Variants in HLTF observed in about 807,000 individuals in gnomAD.
HLTF encodes helicase like transcription factor, also known as DNA-dependent ATPase/E3 ubiquitin-protein ligase HLTF.
In HLTF, 127 loss-of-function variants were observed where a neutral mutation model predicts 129.4. The ratio of observed to expected loss-of-function variants is 0.98; its 90% CI spans 0.85 to 1.14. The LOEUF (loss-of-function observed/expected upper bound fraction) is 1.14, where lower values mean the gene tolerates loss of function less well. HLTF is among the 50% of genes most tolerant of loss of function. HLTF has a pLI of 0.00. For synonymous variants in HLTF, 332 were observed against 388.8 expected (o/e 0.85, Z 1.72); for missense variants, 1,139 against 1,187.1 (o/e 0.96, Z 0.60).
chr3:149,059,329 A>G (rs1033647959), intron 13 of HLTF: 3 of 369,796 alleles, frequency 8.1e-6, no homozygotes, highest in African/African-American at 4.3e-5. Context: ...ATATAAAATC[A>G]TAACAAAGAT....
At chr3:149,050,527 T>C (rs983505789) in intron 14 of HLTF, 152 bp from the exon 15 acceptor site, 8 of 451,228 alleles carry the variant, frequency 1.8e-5, no homozygotes, top group Admixed American at 1.2e-4. Context: ...ACCAAAATAA[T>C]AACAATAAGA....
At chr3:149,074,400 C>T (rs769933430) in intron 3 of HLTF, 52 bp from the exon 4 acceptor site, 26 of 1,515,984 alleles carry the variant, frequency 1.7e-5, no homozygotes. Context: ...TACTTTTTAT[C>T]CCCACTAAGA....
chr3:149,059,864 A>C, intron 12 of HLTF, 57 bp from the exon 13 acceptor site: 1 of 1,009,894 alleles, frequency 9.9e-7, no homozygotes, highest in Non-Finnish European at 1.5e-6. Flanking sequence ...GTGCTAGAGT[A>C]CAGGTACTTT....
At position 149,071,281 on chromosome 3, in the gene HLTF, C is replaced by T. The variant is rs1476848956; in HGVS notation, c.865G>A (p.Gly289Arg). Residue 289 changes from glycine to arginine, a missense_variant, in exon 7 of 25, where the codon GGA becomes AGA. Transcript: ENST00000310053. The part of the protein sequence containing the change: ...SEKDRPENVH[G>R]GILADDMGLG... The stretch of plus-strand genomic sequence containing the variant: ...CCCATATCATCAGCTAAAATTCCTC[C>T]ATGGACATTTTCTGGTCGGTCCTTC... 4 of 1,594,816 alleles carry T rather than the reference C, an allele frequency of 2.5e-6. No individual in the cohort carries two copies. Among genetic ancestry groups the T allele is most frequent in the Non-Finnish European group, 3.4e-6 (4 of 1,171,164 alleles).
chr3:149,045,669 T>C (rs114811100), intron 18 of HLTF, among the ~76,000 whole-genome samples: 3,122 of 152,296 alleles, frequency 0.02, 44 homozygotes, highest in Non-Finnish European at 0.03. Context: ...TTGTCTCTTA[T>C]TCATTCTGTT....
chr3:149,079,254 T>G (rs1017729524), intron 2 of HLTF, among the ~76,000 whole-genome samples: 23 of 151,046 alleles, frequency 1.5e-4, no homozygotes, highest in Non-Finnish European at 3.2e-4. Context: ...TCTACACATA[T>G]AAGAAGCTCA....
intron 23 of HLTF, among the ~76,000 whole-genome samples, chr3:149,036,012 G>T (rs900923388): frequency 1.3e-5 from 2 of 151,496 alleles, no homozygotes; most frequent in African/African-American, 4.8e-5. Flanking sequence ...GCAGGCGCCT[G>T]TAGTCCCAGC....
intron 2 of HLTF, among the ~76,000 whole-genome samples, chr3:149,082,424 G>A (rs987015927): frequency 1.3e-5 from 2 of 152,062 alleles, no homozygotes; most frequent in African/African-American, 4.8e-5. Flanking sequence ...CCGCCACTGC[G>A]CTCCAGCCTG....
intron 18 of HLTF, 110 bp from the exon 19 acceptor site, chr3:149,042,400 C>A: frequency 3.2e-5 from 28 of 867,308 alleles, no homozygotes; most frequent in Admixed American, 2.9e-5. Context: ...GAAATTACTC[C>A]AAAACAAGAA....
rs377015794 is a variant in HLTF at position 149,086,361 on chromosome 3, A to T, written c.-25T>A. On this transcript the variant is annotated 5_prime_UTR_variant, in exon 1 of 25. Transcript: ENST00000310053. ...TGGCGCTGAGTGGGATGACAAGAGG[A>T]GCGCCTCGGCTCCCCTGGATCGTTT... 1.7e-5 allele frequency: 27 copies of T among 1,578,892 alleles called. 1 individual carries two copies. In the South Asian group the frequency reaches 3.0e-4, roughly 18 times the overall value.
At chr3:149,045,947 CTG>C (rs1251085205) in intron 18 of HLTF, 131 bp downstream of exon 18, 2 of 599,140 alleles carry the variant, frequency 3.3e-6, no homozygotes, top group African/African-American at 2.0e-5. Context: ...GTAAAAAACA[CTG>C]TAATTCATAG....
At chr3:149,063,400 C>T (rs1451434502) in intron 10 of HLTF, 31 bp downstream of exon 10, 2 of 1,330,100 alleles carry the variant, frequency 1.5e-6, no homozygotes, top group Admixed American at 3.4e-5. Flanking sequence ...TCTAAATAAA[C>T]ATATGACATA....
At chr3:149,038,505 T>C (rs1421807400) in intron 23 of HLTF, among the ~76,000 whole-genome samples, 2 of 152,168 alleles carry the variant, frequency 1.3e-5, no homozygotes, top group Non-Finnish European at 2.9e-5. Flanking sequence ...GCATTTTTTT[T>C]CTTTTTTTTC....
chr3:149,034,469 G>C (rs1050661840), intron 24 of HLTF, among the ~76,000 whole-genome samples: 2 of 152,136 alleles, frequency 1.3e-5, no homozygotes, highest in African/African-American at 4.8e-5. Context: ...CACAGTTTCA[G>C]TTTAAGATGA....
rs746603930 is a variant in HLTF, at chr3:149,032,330, G to A, written c.2920C>T (p.Gln974Ter). 3.2e-6 allele frequency: 5 copies of A among 1,583,110 alleles called. No individual in the cohort carries two copies. Among genetic ancestry groups the A allele is most frequent in the Admixed American group, 3.6e-5 (2 of 55,854 alleles). The change falls in exon 25 of 25, where the codon CAA becomes TAA. Residue 974 changes from glutamine (Q) to a stop codon, truncating the protein, a stop_gained. Coordinates refer to ENST00000310053, the MANE Select transcript of HLTF (RefSeq NM_003071.4). LOFTEE classifies it high-confidence loss of function. ...DSVEENMLKI[Q>*]NKKRELAAGA... is the part of the protein sequence containing the mutation. ...GCTGCAAGTTCTCTCTTTTTGTTTT[G>A]TATTTTCAGCATATTTTCTTCAACA...
chr3:149,086,498 G>C lies in HLTF; in HGVS notation c.-162C>G, dbSNP rs1166787602. The C allele has an allele frequency of 4.2e-6, 3 of 708,958 alleles. No individual in the cohort carries two copies. The African/African-American group carries it at 5.4e-5, about 13-fold the overall frequency. The allele number at this position is 708,958 out of a possible 1,614,324, so 43.9% of individuals were successfully genotyped here. A position where few individuals can be genotyped will look rare whatever the true frequency, so the allele number is the denominator to read the frequency against. ...TGAAAGGTAAGTCGCCGCGAGTCCA[G>C]TCAGACGTCGACGCCGTCTCCTTCT... On this transcript the variant is annotated 5_prime_UTR_variant, in exon 1 of 25. Transcript: ENST00000310053.
rs371668196 is a variant in HLTF at position 149,050,281 on chromosome 3, T to A, written c.1568A>T (p.Lys523Ile). ...ATACGTAGTCAAAACAATATCCTGT[T>A]TTGAAAGTAAGGCCGGTTCTCTAAT... Reference protein sequence around the residue: ...DRIREPALLSKQDIVLTTYNI... With the variant: ...DRIREPALLSIQDIVLTTYNI... The change falls in exon 15 of 25, where the codon AAA becomes ATA. Residue 523 changes from lysine (K) to isoleucine (I), a missense_variant. Lys to Ile is a moderately radical substitution (Grantham distance 102). Transcript: ENST00000310053. 6.2e-6 allele frequency: 10 copies of A among 1,601,016 alleles called. No individual in the cohort carries two copies. The highest frequency in any genetic ancestry group is 8.6e-6 in the Non-Finnish European group (10 of 1,169,194).
At chr3:149,073,118 T>C (rs1719018478) in intron 5 of HLTF, 107 bp downstream of exon 5, 1 of 541,430 alleles carries the variant, frequency 1.8e-6, no homozygotes. Flanking sequence ...CTTAATATAT[T>C]TGAAGACCAC....
At chr3:149,067,468 T>C (rs1718485284) in intron 8 of HLTF, among the ~76,000 whole-genome samples, 1 of 152,160 alleles carries the variant, frequency 6.6e-6, no homozygotes, top group African/African-American at 2.4e-5. Context: ...AACTGTTCCC[T>C]TGTCAAAAGA....
Sources: gnomAD v4.1 joint callset for allele counts (sites outside exome capture counted in the v4.1 genomes callset) on GRCh38, gnomAD v4.1.1 for gene constraint, MANE v1.5 for transcripts, NCBI Gene and HGNC (gene_info 2026-07-23, HGNC 2026-07-21) for gene names.